The following COX11 variants were observed in gnomAD, a reference collection of about 807,000 sequenced individuals.
The protein encoded by COX11 is cytochrome c oxidase assembly protein COX11, mitochondrial.
In COX11, 18 loss-of-function variants were observed where a neutral mutation model predicts 29.4. The observed-to-expected ratio is 0.61, with a 90% confidence interval of 0.42 to 0.91. The LOEUF is 0.91. Ranked by LOEUF, COX11 falls within the 40% of genes least tolerant of loss-of-function variation. COX11 has a pLI of 0.00. For synonymous variants in COX11, 131 were observed against 124.0 expected (o/e 1.06, Z -0.38); for missense variants, 312 against 346.0 (o/e 0.90, Z 0.78).
chr17:54,963,760 T>C (rs577113539), intron 2 of COX11, among the ~76,000 whole-genome samples: 40 of 152,170 alleles, frequency 2.6e-4, no homozygotes, highest in Admixed American at 5.9e-4. Context: ...TAGCCCAACT[T>C]TTCTGTAACA....
At position 54,968,494 on chromosome 17, in the gene COX11, C is replaced by G; in HGVS notation, c.153G>C (p.Arg51Ser). 6.2e-7 allele frequency: 1 copy of G among 1,613,470 alleles called. No homozygotes were observed. The highest frequency in any genetic ancestry group is 8.5e-7 in the Non-Finnish European group (1 of 1,180,002). Residue 51 changes from arginine (R) to serine (S), a missense_variant, in exon 1 of 4, where the codon AGG (arginine) becomes AGC (serine). By Grantham distance (110) the Arg-to-Ser change is moderately radical. Coordinates refer to ENST00000299335, the MANE Select transcript of COX11 (RefSeq NM_004375.5). ...SGTGGAERGL[R>S]WLGTWKRCSL... ...TGCAGCGCTTCCATGTCCCAAGCCACCTCAGTCCTCTCTCGGCACCTCCTG... is the reference window on the plus strand; with the variant it reads ...TGCAGCGCTTCCATGTCCCAAGCCAGCTCAGTCCTCTCTCGGCACCTCCTG...
chr17:54,964,569 G>C, intron 2 of COX11, 128 bp downstream of exon 2: 1 of 889,670 alleles, frequency 1.1e-6, no homozygotes, highest in Admixed American at 2.6e-5. Flanking sequence ...AAGTCAATTT[G>C]GAACAATGGA....
At chr17:54,967,376 G>A (rs1309489569) in intron 1 of COX11, among the ~76,000 whole-genome samples, 1 of 152,074 alleles carries the variant, frequency 6.6e-6, no homozygotes, top group Non-Finnish European at 1.5e-5. Flanking sequence ...AGAATCTCTG[G>A]GGTAGGGGAT....
intron 1 of COX11, among the ~76,000 whole-genome samples, chr17:54,965,726 G>A (rs1206880021): frequency 6.6e-6 from 1 of 152,042 alleles, no homozygotes; most frequent in Admixed American, 6.6e-5. Context: ...GTCTACTCGG[G>A]AGGCTGAGGC....
chr17:54,962,938 A>G, intron 3 of COX11, 23 bp from the exon 4 acceptor site: 12 of 1,578,082 alleles, frequency 7.6e-6, no homozygotes, highest in Non-Finnish European at 1.0e-5. Context: ...GAAAGATTTT[A>G]ATAACATTTC....
chr17:54,958,067 T>A (rs8076984), downstream of COX11: 1 of 152,062 alleles, frequency 6.6e-6, no homozygotes, highest in Non-Finnish European at 1.5e-5. Flanking sequence ...AAATGAGTAT[T>A]GTAGGCCCAA....
chr17:54,962,163 C>G lies in COX11; in HGVS notation c.*570G>C. Reference sequence around the variant, plus strand: ...TCAGAACTCTGAATATAAAATAGCCCTAAACCTTAAAGGACAAATCAAATT... The same window carrying G: ...TCAGAACTCTGAATATAAAATAGCCGTAAACCTTAAAGGACAAATCAAATT... On this transcript the variant is annotated 3_prime_UTR_variant, in exon 4 of 4. Transcript: ENST00000299335. 2.1e-6 allele frequency: 2 copies of G among 964,866 alleles called. No homozygotes were observed. Among genetic ancestry groups the G allele is most frequent in the Non-Finnish European group, 2.5e-6 (2 of 811,162 alleles). 59.8% of individuals were successfully genotyped at this position (964,866 alleles called of 1,614,324 possible).
chr17:54,957,873 A>T (rs2076987950), downstream of COX11: 1 of 152,240 alleles, frequency 6.6e-6, no homozygotes, highest in Non-Finnish European at 1.5e-5. Context: ...CAGAGGTTAA[A>T]CGTAGTATGG....
chr17:54,953,223 C>CA (rs143941205), exon 1 of COX11: 31,778 of 152,118 alleles, frequency 0.21, 3,891 homozygotes, highest in Non-Finnish European at 0.27. Flanking sequence ...CACAAACAAA[C>CA]AAAAAAATCA....
intron 1 of COX11, among the ~76,000 whole-genome samples, chr17:54,967,888 T>G (rs2077283564): frequency 6.6e-6 from 1 of 151,786 alleles, no homozygotes; most frequent in African/African-American, 2.4e-5. Context: ...CCTTGGCACA[T>G]AAACCACATG....
downstream of COX11, among the ~76,000 whole-genome samples, chr17:54,959,776 CATG>C (rs2077065325): frequency 6.6e-6 from 1 of 152,018 alleles, no homozygotes; most frequent in Non-Finnish European, 1.5e-5. Flanking sequence ...TACCACCACA[CATG>C]ATAATTTTTA....
chr17:54,955,409 C>T (rs1411913606), upstream of COX11, among the ~76,000 whole-genome samples: 2 of 152,122 alleles, frequency 1.3e-5, no homozygotes, highest in African/African-American at 4.8e-5. Flanking sequence ...ATTCTGGTTC[C>T]AGGGATCATG....
downstream of COX11, among the ~76,000 whole-genome samples, chr17:54,956,437 TG>T (rs1449962233): frequency 6.6e-5 from 10 of 152,052 alleles, no homozygotes; most frequent in African/African-American, 2.4e-4. Context: ...CCTGAGTAGC[TG>T]GGGACTACAA....
chr17:54,955,682 T>A (rs1390381042), downstream of COX11, among the ~76,000 whole-genome samples: 1 of 151,998 alleles, frequency 6.6e-6, no homozygotes, highest in Non-Finnish European at 1.5e-5. Flanking sequence ...GATGGCGATG[T>A]CTCTCAGTCT....
exon 1 of COX11, chr17:54,953,638 T>C (rs1416193273): frequency 6.6e-6 from 1 of 152,252 alleles, no homozygotes; most frequent in Non-Finnish European, 1.5e-5. Context: ...CTGAGTTCCA[T>C]GGTGGGGGCC....
chr17:54,957,111 T>C (rs1170272741), downstream of COX11: 2 of 152,232 alleles, frequency 1.3e-5, no homozygotes, highest in Non-Finnish European at 2.9e-5. Flanking sequence ...CTCAAGTTGA[T>C]TGTACTCCTA....
chr17:54,961,070 C>A lies in COX11; in HGVS notation c.*1663G>T, dbSNP rs185700250. On this transcript the variant is annotated 3_prime_UTR_variant, in exon 4 of 4. Coordinates refer to ENST00000299335, the MANE Select transcript of COX11 (RefSeq NM_004375.5). The stretch of plus-strand genomic sequence containing the variant: ...AATGGTCACCAATGAACTATCAAAA[C>A]TTATTTATTCCCCTTATACCCTCCC... The A allele has an allele frequency of 9.0e-4, 565 of 625,196 alleles. 4 individuals are homozygous for A. Among genetic ancestry groups the A allele is most frequent in the African/African-American group, 8.4e-3 (458 of 54,204 alleles). 38.7% of individuals were successfully genotyped at this position (625,196 alleles called of 1,614,324 possible).
chr17:54,967,596 A>AC lies in COX11; in HGVS notation c.366+684dup, dbSNP rs897566850. ...CCACTCCCCTTCTTCTCCCCGCCCC[A>AC]CCCCCCCACCCCGTGTTTCTGACTC... On this transcript the variant is annotated intron_variant, in intron 1 of 3. Transcript: ENST00000299335. Among the ~76,000 whole-genome samples the AC allele has an allele frequency of 1.5e-4, 9 of 61,442 alleles. 1 individual carries two copies. Among genetic ancestry groups the AC allele is most frequent in the South Asian group, 1.7e-3 (2 of 1,198 alleles). 40.3% of individuals were successfully genotyped at this position (61,442 alleles called of 152,430 possible). A position where few individuals can be genotyped will look rare whatever the true frequency, so the allele number is the denominator to read the frequency against.
At chr17:54,954,044 T>A (rs1343656126) in exon 1 of COX11, 3 of 152,202 alleles carry the variant, frequency 2.0e-5, no homozygotes, top group African/African-American at 7.2e-5. Flanking sequence ...CATATTCCTA[T>A]AATGATGAAG....
Sources: gnomAD v4.1 joint callset for allele counts (sites outside exome capture counted in the v4.1 genomes callset) on GRCh38, gnomAD v4.1.1 for gene constraint, MANE v1.5 for transcripts, NCBI Gene and HGNC (gene_info 2026-07-23, HGNC 2026-07-21) for gene names.